Variants in AGBL1 observed in about 807,000 individuals in gnomAD.
AGBL1 encodes AGBL carboxypeptidase 1, also known as cytosolic carboxypeptidase 4.
A neutral mutation model predicts 118.9 loss-of-function variants in AGBL1; 130 were observed. That is an observed-to-expected ratio of 1.09 (90% CI 0.95 to 1.26). The LOEUF (loss-of-function observed/expected upper bound fraction) is 1.26. Among genes scored for constraint, AGBL1 ranks in the 50% most tolerant of loss-of-function variants. AGBL1 has a pLI of 0.00. For missense variants in AGBL1, 1,584 were observed against 1,298.1 expected (o/e 1.22, Z -3.38); for synonymous variants, 555 against 478.9 (o/e 1.16, Z -2.08).
intron 6 of AGBL1, among the ~76,000 whole-genome samples, chr15:86,244,379 A>G (rs1031000591): frequency 1.6e-4 from 24 of 152,150 alleles, no homozygotes; most frequent in African/African-American, 5.8e-4. Flanking sequence ...TGCTGATCCC[A>G]GTGACCCTCA....
intron 5 of AGBL1, among the ~76,000 whole-genome samples, chr15:86,212,591 C>G (rs1192645602): frequency 1.3e-5 from 2 of 152,172 alleles, no homozygotes; most frequent in Admixed American, 1.3e-4. Flanking sequence ...GATTATAGCC[C>G]ATGTTGAACT....
At position 86,526,544 on chromosome 15, in the gene AGBL1, G is replaced by GTGTATATATATATA. The variant is rs754816154; in HGVS notation, c.2685+3606_2685+3607insGTATATATATATAT. ...TGCACACAGATATGTTTGTGTCTGT[G>GTGTATATATATATA]TATATATATATATATATATATATAT... On this transcript the variant is annotated intron_variant, in intron 19 of 22. Coordinates refer to ENST00000614907, the MANE Select transcript of AGBL1 (RefSeq NM_001386094.1). Among the ~76,000 whole-genome samples, 48 of 119,420 alleles carry GTGTATATATATATA rather than the reference G, an allele frequency of 4.0e-4. 2 individuals are homozygous for GTGTATATATATATA. Among genetic ancestry groups the GTGTATATATATATA allele is most frequent in the African/African-American group, 1.5e-3 (47 of 30,458 alleles). 78.3% of individuals were successfully genotyped at this position (119,420 alleles called of 152,430 possible).
intron 22 of AGBL1, among the ~76,000 whole-genome samples, chr15:86,815,121 CATTT>C (rs958080799): frequency 1.3e-5 from 2 of 151,874 alleles, no homozygotes; most frequent in African/African-American, 4.8e-5. Context: ...AAATAAGTGA[CATTT>C]ATTTGTGAGG....
At chr15:86,443,125 G>C (rs992937395) in intron 18 of AGBL1, among the ~76,000 whole-genome samples, 5 of 152,092 alleles carry the variant, frequency 3.3e-5, no homozygotes, top group Admixed American at 2.0e-4. Flanking sequence ...TCACTGAGCC[G>C]GAGAAACCTA....
At chr15:87,010,219 T>C (rs1473301057) in intron 24 of AGBL1, among the ~76,000 whole-genome samples, 3 of 152,124 alleles carry the variant, frequency 2.0e-5, no homozygotes, top group African/African-American at 7.2e-5. Context: ...GGTCTCATGA[T>C]AGTGAATAAG....
At chr15:86,196,761 C>G (rs2077809897) in intron 5 of AGBL1, among the ~76,000 whole-genome samples, 1 of 152,064 alleles carries the variant, frequency 6.6e-6, no homozygotes, top group Admixed American at 6.6e-5. Flanking sequence ...TAAGTGAGGT[C>G]ATAAGGATGA....
At chr15:86,916,545 G>A (rs1468784476), downstream of AGBL1, among the ~76,000 whole-genome samples, 1 of 152,162 alleles carries the variant, frequency 6.6e-6, no homozygotes, top group African/African-American at 2.4e-5. Context: ...TGATGGTTTT[G>A]TTCTTTAAGT....
At position 86,505,227 on chromosome 15, in the gene AGBL1, G is replaced by A. The variant is rs148446956; in HGVS notation, c.2556-17583G>A. On this transcript the variant is annotated intron_variant, in intron 18 of 22. Coordinates refer to ENST00000614907, the MANE Select transcript of AGBL1 (RefSeq NM_001386094.1). The stretch of plus-strand genomic sequence containing the variant: ...TATTTTGGTTATTACATGTCTAGGT[G>A]TGGACCCTGAGTTTATCTTTCTTGG... 8.6e-4 allele frequency among the ~76,000 whole-genome samples: 131 copies of A among 151,944 alleles called. 1 individual carries two copies. The highest frequency in any genetic ancestry group is 3.0e-3 in the African/African-American group (123 of 41,502).
chr15:86,890,082 C>A (rs953404191), intron 22 of AGBL1, among the ~76,000 whole-genome samples: 1 of 152,080 alleles, frequency 6.6e-6, no homozygotes, highest in Admixed American at 6.6e-5. Context: ...TTTTAATAGT[C>A]ACCATTCTGA....
chr15:86,905,955 C>A (rs1490600469), intron 22 of AGBL1, among the ~76,000 whole-genome samples: 4 of 152,172 alleles, frequency 2.6e-5, no homozygotes, highest in Admixed American at 6.5e-5. Flanking sequence ...AGGCAATGTC[C>A]CACCAGACCT....
chr15:86,287,510 A>G (rs547282563), intron 16 of AGBL1, among the ~76,000 whole-genome samples: 2 of 152,182 alleles, frequency 1.3e-5, no homozygotes, highest in East Asian at 3.9e-4. Context: ...TCTTTAATCC[A>G]TTTTGAGTTG....
chr15:86,798,735 A>G (rs1296168602), intron 22 of AGBL1, among the ~76,000 whole-genome samples: 1 of 149,006 alleles, frequency 6.7e-6, no homozygotes. Flanking sequence ...CAGGACCGGC[A>G]ACTAGATCTG....
At chr15:86,815,761 C>T (rs983265573) in intron 22 of AGBL1, among the ~76,000 whole-genome samples, 2 of 152,106 alleles carry the variant, frequency 1.3e-5, no homozygotes, top group Non-Finnish European at 2.9e-5. Context: ...AACACTCTAT[C>T]CCCGTCCTCT....
At chr15:86,514,666 T>C (rs2083096276) in intron 18 of AGBL1, among the ~76,000 whole-genome samples, 1 of 152,140 alleles carries the variant, frequency 6.6e-6, no homozygotes. Context: ...CAGGGAAATG[T>C]CACTTGCCCC....
chr15:86,317,479 T>A (rs2080032310), intron 17 of AGBL1, among the ~76,000 whole-genome samples: 1 of 152,174 alleles, frequency 6.6e-6, no homozygotes, highest in South Asian at 2.1e-4. Flanking sequence ...TTGCGAGCAA[T>A]GTTTGTTTCC....
chr15:86,146,607 A>C (rs2077036926), intron 3 of AGBL1, among the ~76,000 whole-genome samples: 2 of 152,174 alleles, frequency 1.3e-5, no homozygotes, highest in Admixed American at 1.3e-4. Context: ...AGAAAGAGAG[A>C]GATGAGAGAT....
intron 23 of AGBL1, among the ~76,000 whole-genome samples, chr15:86,985,058 C>T: frequency 6.6e-6 from 1 of 152,144 alleles, no homozygotes. Flanking sequence ...TATGTGGTTG[C>T]ATGTTTTAGT....
At chr15:86,320,933 C>A (rs1179027762) in intron 17 of AGBL1, among the ~76,000 whole-genome samples, 2 of 152,094 alleles carry the variant, frequency 1.3e-5, no homozygotes, top group African/African-American at 4.8e-5. Flanking sequence ...ACTGTGCATG[C>A]AGTTCTGGAA....
chr15:86,721,376 T>C (rs531044799), intron 22 of AGBL1, among the ~76,000 whole-genome samples: 1 of 152,240 alleles, frequency 6.6e-6, no homozygotes, highest in South Asian at 2.1e-4. Context: ...ATCCAGCATA[T>C]AAACAGAACC....
Sources: gnomAD v4.1 joint callset for allele counts (sites outside exome capture counted in the v4.1 genomes callset) on GRCh38, gnomAD v4.1.1 for gene constraint, MANE v1.5 for transcripts, NCBI Gene and HGNC (gene_info 2026-07-23, HGNC 2026-07-21) for gene names.